The following PTPRD variants were observed in gnomAD, a reference collection of about 807,000 sequenced individuals.
The protein encoded by PTPRD is receptor-type tyrosine-protein phosphatase delta.
PTPRD carries 34 observed loss-of-function variants against 214.5 expected under a neutral mutation model. The ratio of observed to expected loss-of-function variants is 0.16; its 90% CI spans 0.12 to 0.21. The LOEUF (loss-of-function observed/expected upper bound fraction) is 0.21, where lower values mean the gene tolerates loss of function less well. Among genes scored for constraint, PTPRD ranks in the 10% least tolerant of loss-of-function variants. The probability of loss-of-function intolerance (pLI) is 1.00; values close to 1 mark genes in which losing one functional copy is unlikely to be tolerated. For missense variants in PTPRD, 2,545 were observed against 2,398.7 expected, an observed-to-expected ratio of 1.06 and a Z score of -1.27; for synonymous variants, 1,128 against 845.7, an observed-to-expected ratio of 1.33 and a Z score of -5.79.
chr9:9,558,298 G>C (rs1051263057), intron 8 of PTPRD, among the ~76,000 whole-genome samples: 1 of 152,196 alleles, frequency 6.6e-6, no homozygotes, highest in African/African-American at 2.4e-5. Flanking sequence ...ACATGGTTGT[G>C]ATAACAAGTG....
chr9:9,393,479 G>C (rs1286584116), intron 9 of PTPRD, among the ~76,000 whole-genome samples: 1 of 152,138 alleles, frequency 6.6e-6, no homozygotes, highest in Non-Finnish European at 1.5e-5. Flanking sequence ...GAAAAGAACT[G>C]AGACCTCCAG....
intron 10 of PTPRD, among the ~76,000 whole-genome samples, chr9:9,041,676 A>G (rs1228512673): frequency 6.6e-6 from 1 of 152,208 alleles, no homozygotes; most frequent in African/African-American, 2.4e-5. Flanking sequence ...ACAATTAGGA[A>G]TTATTTGGAA....
chr9:9,314,721 C>T (rs1961558308), intron 9 of PTPRD, among the ~76,000 whole-genome samples: 1 of 152,040 alleles, frequency 6.6e-6, no homozygotes, highest in African/African-American at 2.4e-5. Flanking sequence ...TGTCCATAAA[C>T]TCTGAGCCAG....
At chr9:8,573,707 T>C (rs1010079964) in intron 14 of PTPRD, among the ~76,000 whole-genome samples, 2 of 151,932 alleles carry the variant, frequency 1.3e-5, no homozygotes, top group African/African-American at 4.8e-5. Flanking sequence ...TCCAAAAAAG[T>C]TGCATAATTT....
At chr9:10,235,061 C>T (rs1004880020) in intron 3 of PTPRD, among the ~76,000 whole-genome samples, 7 of 151,790 alleles carry the variant, frequency 4.6e-5, no homozygotes, top group South Asian at 4.1e-4. Flanking sequence ...GCTTATCTTT[C>T]GTATTAAGAT....
chr9:8,375,875 A>G (rs1459224628), intron 39 of PTPRD, 61 bp downstream of exon 39: 1 of 1,557,420 alleles, frequency 6.4e-7, no homozygotes, highest in Non-Finnish European at 8.7e-7. Flanking sequence ...TTGCAGAAAC[A>G]TCCAATGAGA....
chr9:10,366,126 G>C (rs918152003), intron 2 of PTPRD, among the ~76,000 whole-genome samples: 2 of 152,116 alleles, frequency 1.3e-5, no homozygotes, highest in African/African-American at 4.8e-5. Flanking sequence ...TCTGACATGT[G>C]GGAGGCTCAT....
At chr9:9,894,593 C>CCTTAAATTCCCTCTGT (rs1370465043) in intron 5 of PTPRD, among the ~76,000 whole-genome samples, 1 of 151,972 alleles carries the variant, frequency 6.6e-6, no homozygotes, top group Non-Finnish European at 1.5e-5. Context: ...ACAACTTTTT[C>CCTTAAATTCCCTCTGT]ACTGAGTTCC....
intron 3 of PTPRD, among the ~76,000 whole-genome samples, chr9:10,125,377 T>C (rs1403531332): frequency 6.7e-6 from 1 of 149,498 alleles, no homozygotes; most frequent in Non-Finnish European, 1.5e-5. Flanking sequence ...TTTCTTTTCG[T>C]TTTTATCTTC....
intron 8 of PTPRD, among the ~76,000 whole-genome samples, chr9:9,497,361 T>C (rs754525297): frequency 6.6e-6 from 1 of 152,142 alleles, no homozygotes; most frequent in African/African-American, 2.4e-5. Context: ...TCTTCTCTAG[T>C]CTATATTTTG....
rs375911240 is a variant in PTPRD at position 9,374,648 on chromosome 9, C to T, written c.-203+22801G>A. 5.9e-5 allele frequency among the ~76,000 whole-genome samples: 9 copies of T among 152,174 alleles called. No individual in the cohort carries two copies. The South Asian group carries it at 1.2e-3, about 21-fold the overall frequency. On this transcript the variant is annotated intron_variant, in intron 9 of 45. Coordinates refer to ENST00000381196, the MANE Select transcript of PTPRD (RefSeq NM_002839.4). ...ACATTTATTTCTCCCAGGTTAAAACCCTCAATACGTTGTAACAAATGGACA... is the reference window on the plus strand; with the variant it reads ...ACATTTATTTCTCCCAGGTTAAAACTCTCAATACGTTGTAACAAATGGACA...
intron 3 of PTPRD, among the ~76,000 whole-genome samples, chr9:10,301,321 C>CA (rs2154407001): frequency 6.6e-6 from 1 of 152,250 alleles, no homozygotes; most frequent in Non-Finnish European, 1.5e-5. Flanking sequence ...GAAACCAGCA[C>CA]AAAAAGGCTG....
chr9:9,877,886 T>A (rs2067346073), intron 5 of PTPRD, among the ~76,000 whole-genome samples: 1 of 150,898 alleles, frequency 6.6e-6, no homozygotes, highest in African/African-American at 2.5e-5. Context: ...GGCAGGAGAA[T>A]TGCTTTACCC....
chr9:8,605,010 G>T (rs535000520), intron 14 of PTPRD, among the ~76,000 whole-genome samples: 105 of 152,236 alleles, frequency 6.9e-4, no homozygotes, highest in African/African-American at 2.5e-3. Flanking sequence ...ATTTATTTAA[G>T]TAACAAAACA....
intron 2 of PTPRD, among the ~76,000 whole-genome samples, chr9:10,377,576 A>G (rs2154481000): frequency 6.6e-6 from 1 of 152,080 alleles, no homozygotes; most frequent in East Asian, 1.9e-4. Context: ...TTTGCTGAGA[A>G]TGGTGGTTTC....
At chr9:9,957,900 G>T (rs1051795237) in intron 4 of PTPRD, among the ~76,000 whole-genome samples, 1 of 151,822 alleles carries the variant, frequency 6.6e-6, no homozygotes, top group African/African-American at 2.4e-5. Context: ...AAAAAAATTA[G>T]AAGAGCCCAG....
chr9:8,420,817 T>TA (rs200561700), intron 35 of PTPRD, among the ~76,000 whole-genome samples: 125 of 141,814 alleles, frequency 8.8e-4, no homozygotes, highest in Admixed American at 4.0e-3. Flanking sequence ...TTTTTTTTTT[T>TA]TAAAAAAAGA....
chr9:8,765,623 A>G (rs1227347582), intron 11 of PTPRD, among the ~76,000 whole-genome samples: 1 of 152,208 alleles, frequency 6.6e-6, no homozygotes, highest in African/African-American at 2.4e-5. Context: ...CAACCTCGTA[A>G]CAGATCCTAA....
At position 10,355,721 on chromosome 9, in the gene PTPRD, G is replaced by A. The variant is rs1197096793; in HGVS notation, c.-599-14704C>T. Among the ~76,000 whole-genome samples the A allele has an allele frequency of 3.3e-5, 5 of 151,914 alleles. No individual in the cohort carries two copies. In the East Asian group the frequency reaches 7.7e-4, roughly 24 times the overall value. ...TTGAACTCCCGACCTCAGGTGATCC[G>A]CCCACCTCGGCCTCCCAAAGCGCTG... On this transcript the variant is annotated intron_variant, in intron 2 of 45. Coordinates refer to ENST00000381196, the MANE Select transcript of PTPRD (RefSeq NM_002839.4).
Sources: gnomAD v4.1 joint callset for allele counts (sites outside exome capture counted in the v4.1 genomes callset) on GRCh38, gnomAD v4.1.1 for gene constraint, MANE v1.5 for transcripts, NCBI Gene and HGNC (gene_info 2026-07-23, HGNC 2026-07-21) for gene names.